Variants in TPM4 observed in about 807,000 individuals in gnomAD.
The protein encoded by TPM4 is tropomyosin alpha-4 chain.
TPM4 carries 17 observed loss-of-function variants against 35.8 expected under a neutral mutation model. The observed-to-expected ratio is 0.47, with a 90% CI of 0.32 to 0.71. The LOEUF (loss-of-function observed/expected upper bound fraction) is 0.71. Ranked by LOEUF, TPM4 falls within the 30% of genes least tolerant of loss-of-function variation. The pLI is 0.03. For synonymous variants in TPM4, 120 were observed against 122.9 expected (o/e 0.98, Z 0.15); for missense variants, 240 against 320.9 (o/e 0.75, Z 1.93).
chr19:16,076,926 T>G, intron 1 of TPM4: 1 of 935,552 alleles, frequency 1.1e-6, no homozygotes, highest in Non-Finnish European at 1.4e-6. Flanking sequence ...CGCCTCCGGG[T>G]CGGGCGGGGC....
At position 16,069,312 on chromosome 19, in the gene TPM4, T is replaced by C. The variant is rs376452296; in HGVS notation, c.114+1574T>C. On this transcript the variant is annotated intron_variant, in intron 2 of 2. Coordinates refer to the TPM4 transcript ENST00000589897. ...GTGTGTGAATGTGTATGGATGAGTG[T>C]GTGTTTCTGATGGGGTGTGTGTATG... Among the ~76,000 whole-genome samples, 7 of 152,316 alleles carry C rather than the reference T, an allele frequency of 4.6e-5. No homozygotes were observed. In the East Asian group the frequency reaches 7.7e-4, roughly 17 times the overall value.
upstream of TPM4, chr19:16,076,007 C>CG (rs2090399868): frequency 1.8e-5 from 27 of 1,539,896 alleles, no homozygotes; most frequent in South Asian, 2.4e-5. Context: ...GACGTGACCC[C>CG]CCCCCCAGGC....
At chr19:16,076,231 G>A, upstream of TPM4, 1 of 1,547,882 alleles carries the variant, frequency 6.5e-7, no homozygotes, top group Non-Finnish European at 8.7e-7. Context: ...CCGGGGCCGG[G>A]AAGGCGGGGA....
At chr19:16,087,563 C>T (rs183739955) in intron 3 of TPM4, among the ~76,000 whole-genome samples, 3 of 149,566 alleles carry the variant, frequency 2.0e-5, no homozygotes, top group African/African-American at 5.0e-5. Context: ...GGTGATGGAG[C>T]GAGACTCTGT....
chr19:16,068,753 C>G (rs2090323181), intron 2 of TPM4, among the ~76,000 whole-genome samples: 1 of 151,698 alleles, frequency 6.6e-6, no homozygotes. Context: ...GAGAGCAGTT[C>G]TGTGTGTGTG....
At chr19:16,072,369 G>T (rs1311539875), upstream of TPM4, among the ~76,000 whole-genome samples, 1 of 152,238 alleles carries the variant, frequency 6.6e-6, no homozygotes, top group Non-Finnish European at 1.5e-5. Context: ...TCTGCTCAGG[G>T]CAGCAGAGCA....
intron 5 of TPM4, among the ~76,000 whole-genome samples, chr19:16,089,909 A>T (rs1250329952): frequency 1.3e-5 from 2 of 150,864 alleles, no homozygotes; most frequent in Non-Finnish European, 2.9e-5. Flanking sequence ...CCCAGGCTGG[A>T]GTGAAGTGGC....
Position 16,067,682 on chromosome 19 carries a change from G to A in TPM4, c.58G>A (p.Asp20Asn), listed in dbSNP as rs770336115. The A allele has an allele frequency of 2.4e-5, 38 of 1,613,518 alleles. No homozygotes were observed. The highest frequency in any genetic ancestry group is 3.1e-5 in the Non-Finnish European group (36 of 1,179,870). The change falls in exon 2 of 3, where the codon GAC (aspartate) becomes AAC (asparagine). Residue 20 changes from aspartate to asparagine, a missense_variant. Coordinates refer to the TPM4 transcript ENST00000589897. The surrounding 1 kb of genome is among the most constrained non-coding windows in gnomAD (Gnocchi z 4.1). ...GAAGTTGGACAAGGAGAATGCCATC[G>A]ACCGCGCGGAGCAGGCGGAGGCGGA...
chr19:16,068,899 G>A (rs1399047105), intron 2 of TPM4, among the ~76,000 whole-genome samples: 1 of 152,204 alleles, frequency 6.6e-6, no homozygotes. Flanking sequence ...CTGTGAGAAT[G>A]AGTGTGTACT....
chr19:16,078,186 G>C, intron 1 of TPM4: 1 of 398,736 alleles, frequency 2.5e-6, no homozygotes, highest in Non-Finnish European at 4.4e-6. Context: ...AGTTATGGGA[G>C]CATGACAGGG....
chr19:16,067,719 C>G lies in TPM4; in HGVS notation c.95C>G (p.Ala32Gly). The G allele has an allele frequency of 1.9e-6, 3 of 1,613,102 alleles. No individual in the cohort carries two copies. Reference sequence around the variant, plus strand: ...CAGGCGGAGGCGGATAAGAAAGCCGCTGAGGACAAGTGCAAGCAGGTGAGG... The same window carrying G: ...CAGGCGGAGGCGGATAAGAAAGCCGGTGAGGACAAGTGCAAGCAGGTGAGG... The change falls in exon 2 of 3, where the codon GCT (alanine) becomes GGT (glycine). Residue 32 changes from alanine (A) to glycine (G), a missense_variant. Ala to Gly is a moderately conservative substitution (Grantham distance 60). Transcript: ENST00000589897. This position sits in a 1 kb window ranked among gnomAD's most constrained non-coding sequence, Gnocchi z 4.1.
intron 2 of TPM4, among the ~76,000 whole-genome samples, chr19:16,068,373 G>T (rs1294664422): frequency 6.6e-6 from 1 of 152,076 alleles, no homozygotes; most frequent in Admixed American, 6.6e-5. Flanking sequence ...ACCGGATTTC[G>T]CCATGTTGGC....
rs1024552263 is a variant in TPM4, at chr19:16,070,747, C to T, written c.114+3009C>T. Among the ~76,000 whole-genome samples, 1 of 151,966 alleles carries T rather than the reference C, an allele frequency of 6.6e-6. No homozygotes were observed. Among genetic ancestry groups the T allele is most frequent in the Non-Finnish European group, 1.5e-5 (1 of 67,972 alleles). On this transcript the variant is annotated intron_variant, in intron 2 of 2. Coordinates refer to the TPM4 transcript ENST00000589897. The surrounding 1 kb of genome is among the most constrained non-coding windows in gnomAD (Gnocchi z 7.4). Reference sequence around the variant, plus strand: ...CCCGCCCTACTTCCCCTTTGGGCCTCCCCAGCCCCCCGTGCCCCAGGGCTG... The same window carrying T: ...CCCGCCCTACTTCCCCTTTGGGCCTTCCCAGCCCCCCGTGCCCCAGGGCTG...
At chr19:16,076,770 C>T (rs1399026533) in intron 1 of TPM4, 73 bp downstream of exon 1, 1 of 1,282,614 alleles carries the variant, frequency 7.8e-7, no homozygotes. Context: ...CCCGGCTTCC[C>T]GCGCTGCCCG....
At chr19:16,081,672 G>T (rs111702667) in intron 1 of TPM4, 4,026 of 319,436 alleles carry the variant, frequency 0.013, 151 homozygotes, top group African/African-American at 0.079. Flanking sequence ...GGGATTACAG[G>T]CATGAGCCAC....
At chr19:16,080,219 G>T (rs1050945261) in intron 1 of TPM4, 3 of 201,966 alleles carry the variant, frequency 1.5e-5, no homozygotes, top group Non-Finnish European at 3.1e-5. Flanking sequence ...CCCTGGGTGG[G>T]TCTTAAGAGG....
chr19:16,093,170 TCTG>T (rs1387087673), intron 5 of TPM4: 2 of 177,668 alleles, frequency 1.1e-5, no homozygotes, highest in African/African-American at 2.6e-5. Context: ...TTTCTTTCTT[TCTG>T]TTTTTTTTTT....
At chr19:16,084,676 G>A (rs781315459) in intron 2 of TPM4, among the ~76,000 whole-genome samples, 2 of 152,184 alleles carry the variant, frequency 1.3e-5, no homozygotes, top group Non-Finnish European at 2.9e-5. Flanking sequence ...TTCTACCACT[G>A]GCACTTTCTA....
Position 16,070,532 on chromosome 19 carries a change from A to T in TPM4, c.114+2794A>T, listed in dbSNP as rs1032959312. On this transcript the variant is annotated intron_variant, in intron 2 of 2. Coordinates refer to the TPM4 transcript ENST00000589897. This position sits in a 1 kb window ranked among gnomAD's most constrained non-coding sequence, Gnocchi z 7.4. ...AGCTAAAGGCGAAAGCTCGGAGCTC[A>T]GACTGGCCATGTTTGAGTCATGGCT... Among the ~76,000 whole-genome samples, 2 of 152,168 alleles carry T rather than the reference A, an allele frequency of 1.3e-5. No homozygotes were observed. The highest frequency in any genetic ancestry group is 1.3e-4 in the Admixed American group (2 of 15,288).
Sources: allele counts gnomAD v4.1 joint callset (sites outside exome capture counted in the v4.1 genomes callset), GRCh38; gene constraint gnomAD v4.1.1; non-coding constraint Gnocchi (gnomAD v3.1); transcripts MANE v1.5; gene names NCBI Gene and HGNC (gene_info 2026-07-23, HGNC 2026-07-21).